Variants in CNTNAP2 observed in about 807,000 individuals in gnomAD.
CNTNAP2 encodes contactin associated protein 2.
In CNTNAP2, 98 loss-of-function variants were observed where a neutral mutation model predicts 155.2. The observed-to-expected ratio is 0.63, with a 90% CI of 0.54 to 0.75. The LOEUF is 0.75. Among genes scored for constraint, CNTNAP2 ranks in the 30% least tolerant of loss-of-function variants. The pLI, the probability that CNTNAP2 is intolerant of heterozygous loss-of-function variation, is 0.00. For synonymous variants in CNTNAP2, 651 were observed against 631.2 expected, an observed-to-expected ratio of 1.03 and a Z score of -0.47; for missense variants, 1,727 against 1,688.1, an observed-to-expected ratio of 1.02 and a Z score of -0.40.
chr7:147,592,570 A>T (rs931807554), intron 12 of CNTNAP2, among the ~76,000 whole-genome samples: 6 of 151,772 alleles, frequency 4.0e-5, no homozygotes, highest in African/African-American at 7.3e-5. Flanking sequence ...TCTATGAAAT[A>T]TCCCATGACC....
chr7:148,030,298 G>A (rs1802450444), intron 15 of CNTNAP2, among the ~76,000 whole-genome samples: 1 of 152,116 alleles, frequency 6.6e-6, no homozygotes. Flanking sequence ...CTTAATCGTT[G>A]TGCATATTGT....
At chr7:146,940,727 GTA>G (rs144218293) in intron 3 of CNTNAP2, among the ~76,000 whole-genome samples, 1 of 151,082 alleles carries the variant, frequency 6.6e-6, no homozygotes, top group African/African-American at 2.4e-5. Context: ...AATATGGTGT[GTA>G]TATATATACA....
At chr7:146,471,381 T>G (rs367826421) in intron 1 of CNTNAP2, among the ~76,000 whole-genome samples, 1 of 152,268 alleles carries the variant, frequency 6.6e-6, no homozygotes, top group South Asian at 2.1e-4. Context: ...GTATACATTT[T>G]TAAGTCTTAA....
At chr7:147,811,268 G>C (rs1435002043) in intron 13 of CNTNAP2, among the ~76,000 whole-genome samples, 1 of 152,052 alleles carries the variant, frequency 6.6e-6, no homozygotes, top group Non-Finnish European at 1.5e-5. Flanking sequence ...CTGATTTTTT[G>C]TATTTTTAGT....
intron 15 of CNTNAP2, among the ~76,000 whole-genome samples, chr7:148,001,058 T>G (rs1337689958): frequency 1.3e-5 from 2 of 152,182 alleles, no homozygotes; most frequent in African/African-American, 4.8e-5. Flanking sequence ...TCTCATTGGA[T>G]TTAGGACCCA....
At chr7:146,916,856 T>G (rs951273259) in intron 3 of CNTNAP2, among the ~76,000 whole-genome samples, 3 of 152,300 alleles carry the variant, frequency 2.0e-5, no homozygotes, top group Admixed American at 1.3e-4. Flanking sequence ...TTTCTTCTGC[T>G]GAGTTTGGGT....
chr7:147,521,750 T>C (rs1018792669), intron 11 of CNTNAP2, among the ~76,000 whole-genome samples: 3 of 152,174 alleles, frequency 2.0e-5, no homozygotes, highest in African/African-American at 7.2e-5. Flanking sequence ...AAAGTCACCT[T>C]GGCTAAAGTC....
chr7:147,663,295 TG>T lies in CNTNAP2; in HGVS notation c.2098+23990del, dbSNP rs374062379. 1.2e-4 allele frequency among the ~76,000 whole-genome samples: 19 copies of T among 152,358 alleles called. No individual in the cohort carries two copies. The East Asian group carries it at 3.5e-3, about 28-fold the overall frequency. The stretch of plus-strand genomic sequence containing the variant: ...ACAGGCGTAAGCCACCGTGCCCAGC[TG>T]AATGTTTCTGTTTTAAAGATCCTTG... On this transcript the variant is annotated intron_variant, in intron 13 of 23. Transcript: ENST00000361727.
At chr7:148,281,649 T>C (rs1796974780) in intron 21 of CNTNAP2, among the ~76,000 whole-genome samples, 1 of 152,198 alleles carries the variant, frequency 6.6e-6, no homozygotes, top group Non-Finnish European at 1.5e-5. Context: ...TTCTCATTCT[T>C]TTTTAATTGC....
At chr7:146,947,553 G>GTATATATATATA (rs767656171) in intron 3 of CNTNAP2, among the ~76,000 whole-genome samples, 6 of 104,798 alleles carry the variant, frequency 5.7e-5, no homozygotes, top group Non-Finnish European at 8.9e-5. Flanking sequence ...ATGTGTGTGT[G>GTATATATATATA]TGTGTATATA....
chr7:147,509,497 C>T lies in CNTNAP2; in HGVS notation c.1777+23456C>T, dbSNP rs1389957001. Among the ~76,000 whole-genome samples the T allele has an allele frequency of 2.0e-5, 3 of 152,250 alleles. No individual in the cohort carries two copies. In the East Asian group the frequency reaches 5.8e-4, roughly 30 times the overall value. ...CAGCTGGACTTGGGTTAAACTTTCA[C>T]TCTTCTCTTTCTCTGTCTCTTCCCT... On this transcript the variant is annotated intron_variant, in intron 11 of 23. Transcript: ENST00000361727.
intron 15 of CNTNAP2, among the ~76,000 whole-genome samples, chr7:148,107,503 T>G (rs1221749852): frequency 6.6e-6 from 1 of 152,206 alleles, no homozygotes; most frequent in South Asian, 2.1e-4. Flanking sequence ...TGGACAGCAT[T>G]TTATTAATAA....
chr7:146,457,339 T>C (rs897153063), intron 1 of CNTNAP2, among the ~76,000 whole-genome samples: 5 of 151,544 alleles, frequency 3.3e-5, no homozygotes, highest in South Asian at 4.2e-4. Flanking sequence ...AAGTGTAATG[T>C]CATCAAGGGA....
At chr7:147,479,852 T>A (rs2116625411) in intron 10 of CNTNAP2, among the ~76,000 whole-genome samples, 1 of 152,260 alleles carries the variant, frequency 6.6e-6, no homozygotes, top group East Asian at 1.9e-4. Flanking sequence ...CAATAGTGTT[T>A]CTAGTTTTAC....
chr7:148,183,626 C>T (rs1044985329), intron 18 of CNTNAP2, among the ~76,000 whole-genome samples: 1 of 151,840 alleles, frequency 6.6e-6, no homozygotes, highest in Non-Finnish European at 1.5e-5. Context: ...GGACTATAGG[C>T]ATGTGCTACC....
intron 8 of CNTNAP2, among the ~76,000 whole-genome samples, chr7:147,274,059 C>A (rs1368847719): frequency 1.3e-5 from 2 of 151,172 alleles, no homozygotes; most frequent in Non-Finnish European, 2.9e-5. Context: ...CACACAAACA[C>A]AGAGACACAA....
intron 8 of CNTNAP2, among the ~76,000 whole-genome samples, chr7:147,206,140 C>T (rs933238881): frequency 2.6e-5 from 4 of 151,616 alleles, no homozygotes; most frequent in African/African-American, 4.8e-5. Flanking sequence ...AAAAAAGAAA[C>T]GTAAAAACTT....
intron 11 of CNTNAP2, 116 bp from the exon 12 acceptor site, chr7:147,562,022 A>G (rs1800073031): frequency 5.9e-6 from 8 of 1,345,278 alleles, no homozygotes; most frequent in Non-Finnish European, 8.5e-6. Context: ...CGCTCTTTCC[A>G]GGAAGAACTA....
intron 12 of CNTNAP2, among the ~76,000 whole-genome samples, chr7:147,598,173 T>C (rs1001990507): frequency 1.6e-4 from 24 of 152,166 alleles, no homozygotes; most frequent in Non-Finnish European, 2.5e-4. Context: ...CTTTCTTTTT[T>C]TTTTTTTCTA....
Sources: gnomAD v4.1 joint callset for allele counts (sites outside exome capture counted in the v4.1 genomes callset) on GRCh38, gnomAD v4.1.1 for gene constraint, MANE v1.5 for transcripts, NCBI Gene and HGNC (gene_info 2026-07-23, HGNC 2026-07-21) for gene names.